Variants in AFF2 observed in about 807,000 individuals in gnomAD.
The protein encoded by AFF2 is ALF transcription elongation factor 2.
A neutral mutation model predicts 76.9 loss-of-function variants in AFF2; 14 were observed. The ratio of observed to expected loss-of-function variants is 0.18; its 90% CI spans 0.12 to 0.28. The LOEUF is 0.28. Among genes scored for constraint, AFF2 ranks in the 10% least tolerant of loss-of-function variants. The probability of loss-of-function intolerance (pLI) is 1.00; values close to 1 mark genes in which losing one functional copy is unlikely to be tolerated. For synonymous variants in AFF2, 398 were observed against 366.7 expected, an observed-to-expected ratio of 1.09 and a Z score of -0.98; for missense variants, 868 against 1,001.1, an observed-to-expected ratio of 0.87 and a Z score of 1.79.
At chrX:148,625,134 G>A (rs1557251842) in intron 1 of AFF2, among the ~76,000 whole-genome samples, 1 of 110,557 alleles carries the variant, frequency 9.0e-6, no homozygotes, top group Non-Finnish European at 1.9e-5. Flanking sequence ...GCTTTCCCTG[G>A]GGGCCTTGCT....
chrX:148,643,028 C>G (rs1175357130), intron 1 of AFF2, among the ~76,000 whole-genome samples: 2 of 111,877 alleles, frequency 1.8e-5, no homozygotes, highest in African/African-American at 6.5e-5. Context: ...CTCTTTAAAG[C>G]TCAGCATTAG....
chrX:148,878,350 T>C lies in AFF2; in HGVS notation c.1263-7539T>C, dbSNP rs960290367. ...GTTGACTCCAATTCTGAAATGTCTCTAGAATCTGGTCTCCACTATTTTTAC... is the reference window on the plus strand; with the variant it reads ...GTTGACTCCAATTCTGAAATGTCTCCAGAATCTGGTCTCCACTATTTTTAC... On this transcript the variant is annotated intron_variant, in intron 7 of 20. Transcript: ENST00000370460. 1.4e-4 allele frequency among the ~76,000 whole-genome samples: 16 copies of C among 111,856 alleles called. No homozygotes were observed. In the Admixed American group the frequency reaches 1.5e-3, roughly 11 times the overall value.
At chrX:148,562,071 A>G (rs1252896588) in intron 1 of AFF2, among the ~76,000 whole-genome samples, 2 of 112,239 alleles carry the variant, frequency 1.8e-5, no homozygotes, top group African/African-American at 6.5e-5. Context: ...GAAAATGTTA[A>G]TGAAAGTGGT....
At chrX:148,753,223 G>T (rs1489591269) in intron 3 of AFF2, among the ~76,000 whole-genome samples, 1 of 112,048 alleles carries the variant, frequency 8.9e-6, no homozygotes, top group Admixed American at 9.5e-5. Flanking sequence ...TGGAAGTCAT[G>T]AAAGATGTTC....
intron 7 of AFF2, among the ~76,000 whole-genome samples, chrX:148,884,842 A>T (rs1177773291): frequency 8.9e-6 from 1 of 112,019 alleles, no homozygotes; most frequent in Non-Finnish European, 1.9e-5. Flanking sequence ...TTGTACAGAA[A>T]GTGGGATCAC....
At chrX:148,644,956 A>T (rs2054130501) in intron 1 of AFF2, among the ~76,000 whole-genome samples, 2 of 112,026 alleles carry the variant, frequency 1.8e-5, no homozygotes, top group African/African-American at 6.5e-5. Flanking sequence ...TGATAGAAGA[A>T]ATATTTAGAA....
chrX:148,690,854 G>A (rs781907485), intron 3 of AFF2, among the ~76,000 whole-genome samples: 30 of 111,727 alleles, frequency 2.7e-4, no homozygotes, highest in African/African-American at 8.8e-4. Flanking sequence ...AAATAAAGGT[G>A]TCAGCAGGGT....
At chrX:148,893,681 G>T (rs1222558448) in intron 8 of AFF2, among the ~76,000 whole-genome samples, 1 of 112,002 alleles carries the variant, frequency 8.9e-6, no homozygotes, top group African/African-American at 3.2e-5. Flanking sequence ...AAACAAAAAT[G>T]GATATGATCT....
chrX:148,722,427 C>T (rs2055105573), intron 3 of AFF2, among the ~76,000 whole-genome samples: 1 of 110,178 alleles, frequency 9.1e-6, no homozygotes, highest in African/African-American at 3.3e-5. Context: ...CCCTTCCCTC[C>T]ACTCAGGCTC....
intron 9 of AFF2, among the ~76,000 whole-genome samples, chrX:148,921,897 A>G (rs1557283253): frequency 8.9e-6 from 1 of 112,193 alleles, no homozygotes; most frequent in Non-Finnish European, 1.9e-5. Flanking sequence ...TGGCTATTGT[A>G]TCACATATCT....
chrX:148,832,958 G>C (rs1475533861), intron 4 of AFF2, among the ~76,000 whole-genome samples: 2 of 111,578 alleles, frequency 1.8e-5, no homozygotes, highest in Admixed American at 9.5e-5. Flanking sequence ...TCATTAAGGT[G>C]GTCATTTGAA....
At chrX:148,917,991 C>T (rs59936922) in intron 9 of AFF2, among the ~76,000 whole-genome samples, 10,955 of 111,416 alleles carry the variant, frequency 0.098, 1,311 homozygotes, top group African/African-American at 0.34. Flanking sequence ...GCCTGATCTC[C>T]TCCCTCGGGG....
intron 3 of AFF2, among the ~76,000 whole-genome samples, chrX:148,794,042 A>T (rs922764217): frequency 8.9e-6 from 1 of 111,732 alleles, no homozygotes; most frequent in Non-Finnish European, 1.9e-5. Context: ...GATTTAGTAG[A>T]TCTCAGTCAG....
chrX:148,982,174 A>G (rs781892650), intron 19 of AFF2, among the ~76,000 whole-genome samples: 3 of 111,996 alleles, frequency 2.7e-5, no homozygotes, highest in East Asian at 2.8e-4. Flanking sequence ...CTCAAACACA[A>G]CCTAAGCTTG....
chrX:148,867,345 C>A (rs912679242), intron 7 of AFF2, among the ~76,000 whole-genome samples: 10 of 112,095 alleles, frequency 8.9e-5, no homozygotes, highest in African/African-American at 2.9e-4. Context: ...TGGAGAAGGA[C>A]CCACAATAGC....
rs140212577 is a variant in AFF2 at position 148,793,980 on chromosome X, T to C, written c.1042-15896T>C. Among the ~76,000 whole-genome samples, 9 of 112,219 alleles carry C rather than the reference T, an allele frequency of 8.0e-5. No homozygotes were observed. The East Asian group carries it at 2.5e-3, about 31-fold the overall frequency. On this transcript the variant is annotated intron_variant, in intron 3 of 20. Coordinates refer to ENST00000370460, the MANE Select transcript of AFF2 (RefSeq NM_002025.4). Reference sequence around the variant, plus strand: ...TGCATGTGAATGATGGCACATTTATTATCAGATTTATTTCATGTATTACCT... The same window carrying C: ...TGCATGTGAATGATGGCACATTTATCATCAGATTTATTTCATGTATTACCT...
chrX:148,757,856 A>G (rs1217499461), intron 3 of AFF2, among the ~76,000 whole-genome samples: 1 of 112,349 alleles, frequency 8.9e-6, no homozygotes, highest in African/African-American at 3.2e-5. Context: ...TCTCTGCTTT[A>G]TAAGCTGGGA....
In AFF2 at chrX:148,597,690, A is replaced by T. The variant is rs2053587939; in HGVS notation, c.48-54309A>T. Among the ~76,000 whole-genome samples, 3 of 111,899 alleles carry T rather than the reference A, an allele frequency of 2.7e-5. No individual in the cohort carries two copies. In the Admixed American group the frequency reaches 2.8e-4, roughly 11 times the overall value. ...ATGCAGTAGCTAATTAAGCAATAAG[A>T]CACAATGGGGTGAGGGTATATGATT... On this transcript the variant is annotated intron_variant, in intron 1 of 20. Transcript: ENST00000370460.
intron 9 of AFF2, among the ~76,000 whole-genome samples, chrX:148,927,442 C>G (rs1231476156): frequency 9.0e-6 from 1 of 111,153 alleles, no homozygotes; most frequent in Non-Finnish European, 1.9e-5. Flanking sequence ...CTCGCCTTCT[C>G]TTTCCTGTTT....
Sources: gnomAD v4.1 joint callset for allele counts (sites outside exome capture counted in the v4.1 genomes callset) on GRCh38, gnomAD v4.1.1 for gene constraint, MANE v1.5 for transcripts, NCBI Gene and HGNC (gene_info 2026-07-23, HGNC 2026-07-21) for gene names.